The following PPARGC1A variants were observed in gnomAD, a reference collection of about 807,000 sequenced individuals.
PPARGC1A encodes peroxisome proliferator-activated receptor gamma coactivator 1-alpha.
PPARGC1A carries 25 observed loss-of-function variants against 88.7 expected under a neutral mutation model. The ratio of observed to expected loss-of-function variants is 0.28; its 90% CI spans 0.21 to 0.39. The LOEUF is 0.39. Among genes scored for constraint, PPARGC1A ranks in the 10% least tolerant of loss-of-function variants. The pLI, the probability that PPARGC1A is intolerant of heterozygous loss-of-function variation, is 1.00. For missense variants in PPARGC1A, 880 were observed against 968.7 expected (o/e 0.91, Z 1.22); for synonymous variants, 363 against 355.6 (o/e 1.02, Z -0.24).
At chr4:24,156,630 G>A in the PPARGC1A span, among the ~76,000 whole-genome samples, 1 of 151,856 alleles carries the variant, frequency 6.6e-6, no homozygotes, top group African/African-American at 2.4e-5. Context: ...ATGTATATGA[G>A]AACATGAAAT....
the PPARGC1A span, among the ~76,000 whole-genome samples, chr4:23,973,465 C>A: frequency 6.6e-6 from 1 of 152,198 alleles, no homozygotes; most frequent in Non-Finnish European, 1.5e-5. Flanking sequence ...TATGAAATTG[C>A]ACACAAATTT....
At chr4:23,829,730 AT>A in intron 3 of PPARGC1A, 145 bp from the exon 4 acceptor site, 1 of 713,594 alleles carries the variant, frequency 1.4e-6, no homozygotes, top group Non-Finnish European at 2.0e-6. Flanking sequence ...CCTTAGCGCA[AT>A]AGTGCTACAG....
the PPARGC1A span, among the ~76,000 whole-genome samples, chr4:24,308,762 T>G: frequency 2.6e-5 from 4 of 152,160 alleles, no homozygotes; most frequent in Admixed American, 6.5e-5. Context: ...AGTTTCCTAC[T>G]CCTTAAAAAA....
intron 2 of PPARGC1A, among the ~76,000 whole-genome samples, chr4:23,872,599 A>C (rs1713628796): frequency 6.6e-6 from 1 of 152,172 alleles, no homozygotes; most frequent in Admixed American, 6.5e-5. Flanking sequence ...TGGGTAACAG[A>C]CAGATGGAGA....
chr4:23,990,861 G>A, the PPARGC1A span, among the ~76,000 whole-genome samples: 1 of 152,014 alleles, frequency 6.6e-6, no homozygotes, highest in Non-Finnish European at 1.5e-5. Context: ...ACGTCGAGTA[G>A]GAGAGAGAAA....
At chr4:23,911,452 G>T in the PPARGC1A span, among the ~76,000 whole-genome samples, 2 of 152,158 alleles carry the variant, frequency 1.3e-5, no homozygotes, top group African/African-American at 4.8e-5. Context: ...TATGACCTGA[G>T]ATCTTGAGAT....
chr4:24,223,399 G>A, the PPARGC1A span, among the ~76,000 whole-genome samples: 173 of 151,992 alleles, frequency 1.1e-3, no homozygotes, highest in East Asian at 5.8e-4. Flanking sequence ...ACAGGCATCC[G>A]CAACCATACC....
At chr4:24,261,567 G>A in the PPARGC1A span, among the ~76,000 whole-genome samples, 2 of 152,138 alleles carry the variant, frequency 1.3e-5, no homozygotes, top group African/African-American at 4.8e-5. Context: ...ATTATGATTT[G>A]CTTTATTCTG....
the PPARGC1A span, among the ~76,000 whole-genome samples, chr4:23,954,653 AATAT>A: frequency 5.9e-5 from 9 of 152,056 alleles, no homozygotes; most frequent in Non-Finnish European, 1.3e-4. Context: ...GGAGAATAAG[AATAT>A]AAATATAAAA....
chr4:23,982,322 C>G, the PPARGC1A span, among the ~76,000 whole-genome samples: 2 of 152,280 alleles, frequency 1.3e-5, no homozygotes, highest in Non-Finnish European at 2.9e-5. Flanking sequence ...ATCCTTAATC[C>G]ACTGGTTCTA....
At chr4:24,099,311 AC>A in the PPARGC1A span, among the ~76,000 whole-genome samples, 2 of 136,500 alleles carry the variant, frequency 1.5e-5, no homozygotes, top group African/African-American at 2.7e-5. Context: ...AAAAAAAAAG[AC>A]CCCCAGCAGT....
chr4:23,813,747 G>A lies in PPARGC1A; in HGVS notation c.1736C>T (p.Ser579Phe). The A allele has an allele frequency of 6.2e-7, 1 of 1,613,098 alleles. No individual in the cohort carries two copies. Among genetic ancestry groups the A allele is most frequent in the Non-Finnish European group, 8.5e-7 (1 of 1,179,226 alleles). Residue 579 changes from serine (S) to phenylalanine (F), a missense_variant, in exon 8 of 13, where the codon TCC becomes TTC. By Grantham distance (155) the Ser-to-Phe change is radical (BLOSUM62 -2). Transcript: ENST00000264867. ...TCTTGACCTGGAATATGGTGATCGGGAACACGACCTGTGTCGAGAAAAGGA... is the reference window on the plus strand; with the variant it reads ...TCTTGACCTGGAATATGGTGATCGGAAACACGACCTGTGTCGAGAAAAGGA... Reference protein sequence around the residue: ...SRSFSRHRSCSRSPYSRSRSR... With the variant: ...SRSFSRHRSCFRSPYSRSRSR...
chr4:24,320,905 C>T, the PPARGC1A span, among the ~76,000 whole-genome samples: 2 of 152,328 alleles, frequency 1.3e-5, no homozygotes, highest in East Asian at 3.9e-4. Flanking sequence ...AGAAAGCCTG[C>T]CCTTACGGTC....
the PPARGC1A span, among the ~76,000 whole-genome samples, chr4:24,460,567 T>A: frequency 7.4e-6 from 1 of 135,592 alleles, no homozygotes; most frequent in Non-Finnish European, 1.5e-5. Context: ...ATGAAACTGT[T>A]ACTATCAGGG....
chr4:23,813,027 C>T lies in PPARGC1A; in HGVS notation c.1892G>A (p.Arg631Gln), dbSNP rs767001848. The change falls in exon 9 of 13, where the codon CGG becomes CAG. Residue 631 changes from arginine (R) to glutamine (Q), a missense_variant. Coordinates refer to ENST00000264867, the MANE Select transcript of PPARGC1A (RefSeq NM_013261.5). ...RSRSRSPYSR[R>Q]PRYDSYEEYQ... ...AAATGACATGCCTCATTACCTGGGCCGACGGCTGTAGGGCGATCTTGAACG... is the reference window on the plus strand; with the variant it reads ...AAATGACATGCCTCATTACCTGGGCTGACGGCTGTAGGGCGATCTTGAACG... The T allele has an allele frequency of 8.7e-6, 14 of 1,613,804 alleles. No individual in the cohort carries two copies. Among genetic ancestry groups the T allele is most frequent in the Middle Eastern group, 3.3e-4 (2 of 6,082 alleles).
chr4:23,993,513 T>G, the PPARGC1A span, among the ~76,000 whole-genome samples: 1 of 152,174 alleles, frequency 6.6e-6, no homozygotes, highest in Non-Finnish European at 1.5e-5. Context: ...TTGAAATTAG[T>G]CATGCTCTGC....
the PPARGC1A span, among the ~76,000 whole-genome samples, chr4:24,132,201 C>G: frequency 1.3e-5 from 2 of 151,842 alleles, no homozygotes; most frequent in Non-Finnish European, 2.9e-5. Flanking sequence ...TACACTGTTG[C>G]AAGTCATGGA....
the PPARGC1A span, among the ~76,000 whole-genome samples, chr4:24,436,894 C>A: frequency 6.6e-6 from 1 of 151,982 alleles, no homozygotes; most frequent in Non-Finnish European, 1.5e-5. Context: ...CACCCCAGAG[C>A]CCAGGTCGTA....
At chr4:24,257,608 G>A in the PPARGC1A span, among the ~76,000 whole-genome samples, 1 of 152,168 alleles carries the variant, frequency 6.6e-6, no homozygotes, top group Non-Finnish European at 1.5e-5. Context: ...GCAATTCCCA[G>A]GTTCCCCTGG....
Sources: allele counts gnomAD v4.1 joint callset (sites outside exome capture counted in the v4.1 genomes callset), GRCh38; gene constraint gnomAD v4.1.1; transcripts MANE v1.5; gene names NCBI Gene and HGNC (gene_info 2026-07-23, HGNC 2026-07-21).